The following ADAMTSL3 variants were observed in gnomAD, a reference collection of about 807,000 sequenced individuals.
ADAMTSL3 encodes ADAMTS like 3.
ADAMTSL3 carries 128 observed loss-of-function variants against 201.7 expected under a neutral mutation model. That is an observed-to-expected ratio of 0.63 (90% CI 0.55 to 0.73). The LOEUF (loss-of-function observed/expected upper bound fraction) is 0.73. Among genes scored for constraint, ADAMTSL3 ranks in the 30% least tolerant of loss-of-function variants. The pLI is 0.00. For synonymous variants in ADAMTSL3, 738 were observed against 748.4 expected (o/e 0.99, Z 0.23); for missense variants, 1,990 against 2,119.6 (o/e 0.94, Z 1.20).
rs140554563 is a variant in ADAMTSL3 at position 83,860,292 on chromosome 15, A to C, written c.802+1452A>C. Among the ~76,000 whole-genome samples, 540 of 152,318 alleles carry C rather than the reference A, an allele frequency of 3.5e-3. 2 individuals carry two copies. The highest frequency in any genetic ancestry group is 0.012 in the African/African-American group (515 of 41,566). ...ATTTTAGCAAAGTGGGACAAAACAAAACAAAATTTAAAATACAAAACCTTA... is the reference window on the plus strand; with the variant it reads ...ATTTTAGCAAAGTGGGACAAAACAACACAAAATTTAAAATACAAAACCTTA... On this transcript the variant is annotated intron_variant, in intron 8 of 29. Transcript: ENST00000286744.
intron 4 of ADAMTSL3, among the ~76,000 whole-genome samples, chr15:83,802,646 A>G (rs1348026754): frequency 6.6e-6 from 1 of 152,206 alleles, no homozygotes; most frequent in Non-Finnish European, 1.5e-5. Context: ...TGGAAATGGC[A>G]AATTGTAGGG....
intron 3 of ADAMTSL3, among the ~76,000 whole-genome samples, chr15:83,764,411 G>C (rs1295303269): frequency 1.3e-5 from 2 of 152,124 alleles, no homozygotes; most frequent in Non-Finnish European, 2.9e-5. Flanking sequence ...CACCCAATGG[G>C]AAGCTGACCT....
intron 21 of ADAMTSL3, among the ~76,000 whole-genome samples, chr15:83,984,404 A>G (rs1428451035): frequency 6.6e-6 from 1 of 152,218 alleles, no homozygotes; most frequent in Non-Finnish European, 1.5e-5. Flanking sequence ...CTATTAGGCT[A>G]TATCTTAAAA....
At chr15:84,035,138 C>G (rs2068481669) in intron 28 of ADAMTSL3, among the ~76,000 whole-genome samples, 1 of 152,168 alleles carries the variant, frequency 6.6e-6, no homozygotes, top group African/African-American at 2.4e-5. Context: ...CCCTGTGCCC[C>G]TCTCATTCTT....
At chr15:83,986,432 GGT>G (rs1282602558) in intron 21 of ADAMTSL3, among the ~76,000 whole-genome samples, 1 of 152,048 alleles carries the variant, frequency 6.6e-6, no homozygotes, top group Non-Finnish European at 1.5e-5. Flanking sequence ...GTTTTGACAT[GGT>G]ACATCCTCCT....
chr15:83,712,567 C>G (rs1228355720), intron 3 of ADAMTSL3, among the ~76,000 whole-genome samples: 2 of 152,194 alleles, frequency 1.3e-5, no homozygotes, highest in Non-Finnish European at 2.9e-5. Flanking sequence ...TTCACCAAAA[C>G]CTTTATGACC....
intron 4 of ADAMTSL3, among the ~76,000 whole-genome samples, chr15:83,784,593 C>A (rs1040349681): frequency 6.6e-6 from 1 of 152,124 alleles, no homozygotes; most frequent in African/African-American, 2.4e-5. Flanking sequence ...TATTTAAAAT[C>A]TTTCCTCCTC....
intron 2 of ADAMTSL3, among the ~76,000 whole-genome samples, chr15:83,658,634 A>G (rs1595980560): frequency 6.6e-6 from 1 of 152,152 alleles, no homozygotes; most frequent in East Asian, 1.9e-4. Context: ...CTGTTGCTCC[A>G]GGCTTCTCCT....
intron 19 of ADAMTSL3, among the ~76,000 whole-genome samples, chr15:83,954,849 G>GTC (rs146126178): frequency 2.6e-4 from 39 of 150,332 alleles, no homozygotes; most frequent in Admixed American, 8.6e-4. Context: ...CTCTGTCTCT[G>GTC]TCTCTCTCTC....
intron 4 of ADAMTSL3, among the ~76,000 whole-genome samples, chr15:83,802,753 C>T (rs959142953): frequency 1.3e-5 from 2 of 152,012 alleles, no homozygotes; most frequent in Non-Finnish European, 2.9e-5. Flanking sequence ...TGGAACTGTT[C>T]CAAATATTGG....
intron 4 of ADAMTSL3, among the ~76,000 whole-genome samples, chr15:83,793,743 C>T (rs1448308879): frequency 6.6e-6 from 1 of 152,034 alleles, no homozygotes; most frequent in East Asian, 1.9e-4. Flanking sequence ...TCCCAAAGTG[C>T]TGGGATTATG....
intron 6 of ADAMTSL3, among the ~76,000 whole-genome samples, chr15:83,833,352 T>G (rs1264626107): frequency 6.6e-6 from 1 of 152,182 alleles, no homozygotes; most frequent in Non-Finnish European, 1.5e-5. Flanking sequence ...ATAGAGGCTG[T>G]GTCCTCACAT....
intron 6 of ADAMTSL3, among the ~76,000 whole-genome samples, chr15:83,826,715 G>C (rs978817226): frequency 5.7e-5 from 8 of 139,878 alleles, no homozygotes; most frequent in African/African-American, 2.1e-4. Flanking sequence ...CTGTGTCCAA[G>C]TGTTCTCATT....
At chr15:83,657,672 G>T (rs547152320) in intron 2 of ADAMTSL3, among the ~76,000 whole-genome samples, 18 of 152,338 alleles carry the variant, frequency 1.2e-4, no homozygotes, top group African/African-American at 4.3e-4. Flanking sequence ...TGCTGTTGCT[G>T]CTGCTTGTCA....
Position 83,869,904 on chromosome 15 carries a change from C to T in ADAMTSL3, c.803-898C>T, listed in dbSNP as rs191856175. Reference sequence around the variant, plus strand: ...TTAGAGAAAAATACGGGGCCAGAAACGCAGGTGCCCCAGAACCTAGCTGTA... The same window carrying T: ...TTAGAGAAAAATACGGGGCCAGAAATGCAGGTGCCCCAGAACCTAGCTGTA... On this transcript the variant is annotated intron_variant, in intron 8 of 29. Coordinates refer to ENST00000286744, the MANE Select transcript of ADAMTSL3 (RefSeq NM_207517.3). Among the ~76,000 whole-genome samples the T allele has an allele frequency of 1.2e-4, 18 of 152,146 alleles. No individual in the cohort carries two copies. In the South Asian group the frequency reaches 2.5e-3, roughly 21 times the overall value.
intron 7 of ADAMTSL3, among the ~76,000 whole-genome samples, chr15:83,850,589 G>A (rs993712760): frequency 1.3e-5 from 2 of 150,890 alleles, no homozygotes; most frequent in Non-Finnish European, 1.5e-5. Flanking sequence ...ACTCTTTATC[G>A]CCAAGTCTTG....
intron 4 of ADAMTSL3, among the ~76,000 whole-genome samples, chr15:83,786,923 T>G (rs1224722429): frequency 6.6e-6 from 1 of 152,192 alleles, no homozygotes; most frequent in African/African-American, 2.4e-5. Flanking sequence ...GGATAATGAC[T>G]TCATCATTCC....
At chr15:83,795,011 C>A (rs1354881993) in intron 4 of ADAMTSL3, among the ~76,000 whole-genome samples, 1 of 151,990 alleles carries the variant, frequency 6.6e-6, no homozygotes, top group Non-Finnish European at 1.5e-5. Flanking sequence ...CGCCACCATG[C>A]CCGGCTAATT....
chr15:83,807,833 C>T (rs182371488), intron 5 of ADAMTSL3, among the ~76,000 whole-genome samples: 1 of 152,234 alleles, frequency 6.6e-6, no homozygotes, highest in African/African-American at 2.4e-5. Context: ...GAAATAAGTC[C>T]ACATACCTAC....
Sources: gnomAD v4.1 joint callset for allele counts (sites outside exome capture counted in the v4.1 genomes callset) on GRCh38, gnomAD v4.1.1 for gene constraint, MANE v1.5 for transcripts, NCBI Gene and HGNC (gene_info 2026-07-23, HGNC 2026-07-21) for gene names.